FURIN: variants seen among roughly 807,000 people sequenced by gnomAD.
FURIN encodes the protein furin, paired basic amino acid cleaving enzyme, also known as FES upstream region.
In FURIN, 18 loss-of-function variants were observed where a neutral mutation model predicts 89.2. The ratio of observed to expected loss-of-function variants is 0.20; its 90% confidence interval spans 0.14 to 0.30. The LOEUF (loss-of-function observed/expected upper bound fraction) is 0.30, where lower values mean the gene tolerates loss of function less well. FURIN is among the 10% of genes least tolerant of loss of function. The pLI is 1.00. For missense variants in FURIN, 879 were observed against 1,100.5 expected (o/e 0.80, Z 2.85); for synonymous variants, 508 against 466.4 (o/e 1.09, Z -1.15).
Position 90,875,885 on chromosome 15 carries a change from G to T in FURIN, c.145G>T (p.Ala49Ser), listed in dbSNP as rs770942274. ...PGGPAVANSV[A>S]RKHGFLNLGQ... is the part of the protein sequence containing the mutation. ...AGGCCCAGCGGTGGCCAACAGTGTG[G>T]CACGGAAGCATGGGTTCCTCAACCT... Residue 49 changes from alanine to serine, a missense_variant, in exon 2 of 16, where the codon GCA becomes TCA. By Grantham distance (99) the Ala-to-Ser change is moderately conservative (BLOSUM62 1). This residue lies in a region of FURIN where 125 missense variants were observed against 125.0 expected (regional missense o/e 1.00). Coordinates refer to ENST00000268171, the MANE Select transcript of FURIN (RefSeq NM_002569.4). 3.2e-5 allele frequency: 51 copies of T among 1,590,108 alleles called. No homozygotes were observed. Among genetic ancestry groups the T allele is most frequent in the Non-Finnish European group, 4.3e-5 (50 of 1,169,556 alleles).
rs773433841 is a variant in FURIN, at chr15:90,881,448, A to G, written c.1955A>G (p.Gln652Arg). The change falls in exon 16 of 16, where the codon CAG becomes CGG. Residue 652 changes from glutamine to arginine, a missense_variant. By Grantham distance (43) the Gln-to-Arg change is conservative (BLOSUM62 1). Transcript: ENST00000268171. This position sits in a 1 kb window ranked among gnomAD's most constrained non-coding sequence, Gnocchi z 4.3. ...APCHASCATC[Q>R]GPALTDCLSC... ...TGCCACGCCTCATGTGCCACATGCC[A>G]GGGGCCGGCCCTGACAGACTGCCTC... 1.2e-6 allele frequency: 2 copies of G among 1,612,088 alleles called. No homozygotes were observed. Among genetic ancestry groups the G allele is most frequent in the South Asian group, 1.1e-5 (1 of 91,056 alleles).
At chr15:90,873,682 C>T (rs565726645) in intron 1 of FURIN, among the ~76,000 whole-genome samples, 1 of 152,224 alleles carries the variant, frequency 6.6e-6, no homozygotes, top group African/African-American at 2.4e-5. Flanking sequence ...GCCTAGCTGC[C>T]CAGCCATTGA....
chr15:90,872,471 G>A (rs2031371831), intron 1 of FURIN, among the ~76,000 whole-genome samples: 1 of 152,190 alleles, frequency 6.6e-6, no homozygotes, highest in Admixed American at 6.5e-5. Context: ...GATATGGCCT[G>A]GTGAGGGCGG....
chr15:90,876,452 T>G lies in FURIN; in HGVS notation c.277-10T>G, dbSNP rs753958225. 11 of 1,600,988 alleles carry G rather than the reference T, an allele frequency of 6.9e-6. No individual in the cohort carries two copies. Among genetic ancestry groups the G allele is most frequent in the African/African-American group, 2.7e-5 (2 of 73,464 alleles). On this transcript the variant is annotated splice_polypyrimidine_tract_variant and intron_variant, in intron 3 of 15. Transcript: ENST00000268171. This position sits in a 1 kb window ranked among gnomAD's most constrained non-coding sequence, Gnocchi z 5.0. ...TCCACCCACACCATCTCTCCCTCACTCCCCCACAGGTACAGTGGCTGGAAC... is the reference window on the plus strand; with the variant it reads ...TCCACCCACACCATCTCTCCCTCACGCCCCCACAGGTACAGTGGCTGGAAC...
Position 90,878,880 on chromosome 15 carries a change from C to T in FURIN, c.957C>T (p.Ser319=), listed in dbSNP as rs374257607. 81 of 1,612,618 alleles carry T rather than the reference C, an allele frequency of 5.0e-5. No individual in the cohort carries two copies. Among genetic ancestry groups the T allele is most frequent in the Admixed American group, 8.3e-5 (5 of 59,998 alleles). ...GTATCTACACGCTGTCCATCAGCAGCGCCACGCAGTTTGGCAACGTGCCGT... is the reference window on the plus strand; with the variant it reads ...GTATCTACACGCTGTCCATCAGCAGTGCCACGCAGTTTGGCAACGTGCCGT... The part of the protein sequence containing the change: ...TNSIYTLSIS[S]ATQFGNVPWY... Residue 319 remains serine, a synonymous_variant, in exon 9 of 16, where the codon AGC becomes AGT. Coordinates refer to ENST00000268171, the MANE Select transcript of FURIN (RefSeq NM_002569.4).
Position 90,880,207 on chromosome 15 carries a change from G to A in FURIN, c.1490G>A (p.Arg497His), listed in dbSNP as rs751469784. ...AQARLTLSYN[R>H]RGDLAIHLVS... ...GCGCGGCTCACCCTGTCCTATAATC[G>A]CCGTGGCGACCTGGCCATCCACCTG... is the stretch of plus-strand genomic sequence containing the variant. Residue 497 changes from arginine to histidine, a missense_variant, in exon 13 of 16, where the codon CGC becomes CAC. By Grantham distance (29) the Arg-to-His change is conservative. Around this residue, in one of 5 missense-constraint regions of FURIN, gnomAD observed 457 missense variants for 490.7 expected, o/e 0.93. Coordinates refer to ENST00000268171, the MANE Select transcript of FURIN (RefSeq NM_002569.4). The A allele has an allele frequency of 6.8e-6, 11 of 1,612,476 alleles. No homozygotes were observed. The highest frequency in any genetic ancestry group is 2.2e-5 in the East Asian group (1 of 44,874).
chr15:90,878,355 C>A (rs776084059), intron 8 of FURIN, 51 bp downstream of exon 8: 2 of 1,411,968 alleles, frequency 1.4e-6, no homozygotes, highest in Non-Finnish European at 1.9e-6. Flanking sequence ...TGCTGTCTTC[C>A]GTACCTATCT....
chr15:90,878,931 A>C lies in FURIN; in HGVS notation c.1008A>C (p.Thr336=), dbSNP rs761041780. ...GGTACAGCGAGGCCTGCTCGTCCAC[A>C]CTGGCCACGACCTACAGCAGTGGCA... ...VPWYSEACSS[T]LATTYSSGNQ... Residue 336 remains threonine, a synonymous_variant, in exon 9 of 16, where the codon ACA becomes ACC. Coordinates refer to ENST00000268171, the MANE Select transcript of FURIN (RefSeq NM_002569.4). 7.4e-6 allele frequency: 12 copies of C among 1,611,436 alleles called. No individual in the cohort carries two copies. Among genetic ancestry groups the C allele is most frequent in the Non-Finnish European group, 9.3e-6 (11 of 1,179,532 alleles).
At chr15:90,871,014 C>T (rs897453800) in intron 1 of FURIN, among the ~76,000 whole-genome samples, 1 of 152,216 alleles carries the variant, frequency 6.6e-6, no homozygotes, top group Non-Finnish European at 1.5e-5. Context: ...CATATATCCA[C>T]CTGTCTATAC....
At chr15:90,880,599 GGGAA>G in intron 13 of FURIN, 88 bp from the exon 14 acceptor site, 1 of 1,420,086 alleles carries the variant, frequency 7.0e-7, no homozygotes. Context: ...GTCTGCGTGG[GGGAA>G]GGGTGTGTGG....
intron 1 of FURIN, chr15:90,872,995 A>G (rs1361632719): frequency 6.6e-6 from 1 of 152,284 alleles, no homozygotes. Context: ...CAGGAAGAGC[A>G]CCCACAGCTC....
Position 90,876,897 on chromosome 15 carries a change from C to T in FURIN, c.374C>T (p.Ser125Phe). ...GTGATGGGGTGGGTGTCTCCACAGT[C>T]TGGTGTCACTCAGCGGGACCTGAAT... ...DPKFPQQWYLSGVTQRDLNVK... is the reference protein window; with the variant it reads ...DPKFPQQWYLFGVTQRDLNVK... The change falls in exon 5 of 16, where the codon TCT (serine) becomes TTT (phenylalanine). Residue 125 changes from serine to phenylalanine, a missense_variant and splice_region_variant. This residue lies in a region of FURIN where 139 missense variants were observed against 215.0 expected (regional missense o/e 0.65). Coordinates refer to ENST00000268171, the MANE Select transcript of FURIN (RefSeq NM_002569.4). The surrounding 1 kb of genome is among the most constrained non-coding windows in gnomAD (Gnocchi z 5.0). 6.2e-7 allele frequency: 1 copy of T among 1,614,070 alleles called. No individual in the cohort carries two copies. Among genetic ancestry groups the T allele is most frequent in the Non-Finnish European group, 8.5e-7 (1 of 1,179,916 alleles).
At chr15:90,878,045 T>A (rs2031732870) in intron 7 of FURIN, 87 bp from the exon 8 acceptor site, 11 of 1,297,500 alleles carry the variant, frequency 8.5e-6, no homozygotes, top group Non-Finnish European at 1.2e-5. Context: ...TCCCCTGGGG[T>A]GCAGGGCTGG....
chr15:90,879,582 C>G, intron 10 of FURIN, 38 bp downstream of exon 10: 2 of 1,550,018 alleles, frequency 1.3e-6, no homozygotes, highest in Non-Finnish European at 1.8e-6. Context: ...CTGTCCCTAC[C>G]AGCACTCTCT....
chr15:90,879,940 G>T lies in FURIN; in HGVS notation c.1332G>T (p.Val444=), dbSNP rs768617338. ...CCCTGGCCCAGAATTGGACCACAGT[G>T]GCCCCCCAGCGGAAGTGCATCATCG... ...MVALAQNWTT[V]APQRKCIIDI... Residue 444 remains valine (V), a synonymous_variant, in exon 12 of 16, where the codon GTG becomes GTT. Transcript: ENST00000268171. 1.2e-6 allele frequency: 2 copies of T among 1,613,284 alleles called. No homozygotes were observed. Among genetic ancestry groups the T allele is most frequent in the Non-Finnish European group, 1.7e-6 (2 of 1,180,008 alleles).
chr15:90,878,306 T>TGAGGTGGGGATCTGTCC lies in FURIN; in HGVS notation c.840+3_840+19dup. On this transcript the variant is annotated splice_region_variant and intron_variant, in intron 8 of 15. Transcript: ENST00000268171. ...GCCTTCTTCCGTGGGGTTAGCCAGG[T>TGAGGTGGGGATCTGTCC]GAGGTGGGGATCTGTCCAGCCCCTG... 1 of 1,587,344 alleles carries TGAGGTGGGGATCTGTCC rather than the reference T, an allele frequency of 6.3e-7. No individual in the cohort carries two copies. Among genetic ancestry groups the TGAGGTGGGGATCTGTCC allele is most frequent in the Admixed American group, 1.7e-5 (1 of 58,670 alleles).
chr15:90,869,441 G>A (rs2151217185), intron 1 of FURIN, among the ~76,000 whole-genome samples: 1 of 152,294 alleles, frequency 6.6e-6, no homozygotes, highest in Non-Finnish European at 1.5e-5. Flanking sequence ...CACAGAGAGT[G>A]GCTTTCAAAT....
rs1203416402 is a variant in FURIN at position 90,881,688 on chromosome 15, T to G, written c.2195T>G (p.Val732Gly). 1 of 1,588,618 alleles carries G rather than the reference T, an allele frequency of 6.3e-7. No individual in the cohort carries two copies. The highest frequency in any genetic ancestry group is 1.7e-5 in the Admixed American group (1 of 57,524). ...TTCATCGTGCTGGTCTTCGTCACTG[T>G]CTTCCTGGTCCTGCAGCTGCGCTCT... The part of the protein sequence containing the change: ...CAFIVLVFVT[V>G]FLVLQLRSGF... The change falls in exon 16 of 16, where the codon GTC (valine) becomes GGC (glycine). Residue 732 changes from valine to glycine, a missense_variant. By Grantham distance (109) the Val-to-Gly change is moderately radical. Coordinates refer to ENST00000268171, the MANE Select transcript of FURIN (RefSeq NM_002569.4). The surrounding 1 kb of genome is among the most constrained non-coding windows in gnomAD (Gnocchi z 4.3).
At position 90,881,025 on chromosome 15, in the gene FURIN, A is replaced by C. The variant is rs199904269; in HGVS notation, c.1777A>C (p.Ser593Arg). The C allele has an allele frequency of 1.2e-6, 2 of 1,612,924 alleles. No homozygotes were observed. The highest frequency in any genetic ancestry group is 2.2e-5 in the East Asian group (1 of 44,866). ...CAGTGGCTGCAAGACCCTCACGTCC[A>C]GTCAGGCCTGTGTGGGTCAGTAGTG... ...ESSGCKTLTS[S>R]QACVVCEEGF... The change falls in exon 15 of 16, where the codon AGT (serine) becomes CGT (arginine). Residue 593 changes from serine (S) to arginine (R), a missense_variant. This residue lies in a region of FURIN where 457 missense variants were observed against 490.7 expected (regional missense o/e 0.93). Coordinates refer to ENST00000268171, the MANE Select transcript of FURIN (RefSeq NM_002569.4). The surrounding 1 kb of genome is among the most constrained non-coding windows in gnomAD (Gnocchi z 4.3).
Sources: allele counts gnomAD v4.1 joint callset (sites outside exome capture counted in the v4.1 genomes callset), GRCh38; gene constraint gnomAD v4.1.1; regional missense constraint gnomAD v4.1.1; non-coding constraint Gnocchi (gnomAD v3.1); transcripts MANE v1.5; gene names NCBI Gene and HGNC (gene_info 2026-07-23, HGNC 2026-07-21).